HLTF: variants seen among roughly 807,000 people sequenced by gnomAD.
HLTF encodes the protein DNA-dependent ATPase/E3 ubiquitin-protein ligase HLTF.
In HLTF, 127 loss-of-function variants were observed where a neutral mutation model predicts 129.4. The observed-to-expected ratio is 0.98, with a 90% confidence interval of 0.85 to 1.14. The LOEUF is 1.14. Among genes scored for constraint, HLTF ranks in the 50% most tolerant of loss-of-function variants. HLTF has a pLI of 0.00. For missense variants in HLTF, 1,139 were observed against 1,187.1 expected, an observed-to-expected ratio of 0.96 and a Z score of 0.60; for synonymous variants, 332 against 388.8, an observed-to-expected ratio of 0.85 and a Z score of 1.72.
rs1415409024 is a variant in HLTF, at chr3:149,030,533, G to A, written c.*1687C>T. ...GGCTTTGTCTTTGTAAGCAGAAAGA[G>A]TAGACTGTGTTGTTTTTTGCCAAAA... On this transcript the variant is annotated 3_prime_UTR_variant, in exon 25 of 25. Coordinates refer to ENST00000310053, the MANE Select transcript of HLTF (RefSeq NM_003071.4). The A allele has an allele frequency of 6.6e-6, 1 of 152,162 alleles. No homozygotes were observed. Among genetic ancestry groups the A allele is most frequent in the African/African-American group, 2.4e-5 (1 of 41,440 alleles). 9.4% of individuals were successfully genotyped at this position (152,162 alleles called of 1,614,324 possible). A position where few individuals can be genotyped will look rare whatever the true frequency, so the allele number is the denominator to read the frequency against.
intron 10 of HLTF, among the ~76,000 whole-genome samples, chr3:149,061,396 G>A (rs1012015982): frequency 1.3e-5 from 2 of 150,376 alleles, no homozygotes; most frequent in Admixed American, 6.7e-5. Flanking sequence ...GCCTGACAGA[G>A]CGACACTCCA....
In HLTF at chr3:149,084,690, T is replaced by C. The variant is rs1473912639; in HGVS notation, c.220A>G (p.Thr74Ala). Residue 74 changes from threonine (T) to alanine (A), a missense_variant, in exon 2 of 25, where the codon ACG (threonine) becomes GCG (alanine). By Grantham distance (58) the Thr-to-Ala change is moderately conservative. Transcript: ENST00000310053. ...TCTACTATTATACTCACTACTCCCG[T>C]GTAATAGCGTAGTCCAACCACATGA... The part of the protein sequence containing the change: ...RGHVVGLRYY[T>A]GVVNNNEMVA... 2 of 1,609,026 alleles carry C rather than the reference T, an allele frequency of 1.2e-6. No individual in the cohort carries two copies. Among genetic ancestry groups the C allele is most frequent in the South Asian group, 1.1e-5 (1 of 90,962 alleles).
Position 149,032,076 on chromosome 3 carries a change from T to A in HLTF, c.*144A>T, listed in dbSNP as rs893761834. 5.8e-6 allele frequency: 3 copies of A among 517,282 alleles called. No homozygotes were observed. Among genetic ancestry groups the A allele is most frequent in the Non-Finnish European group, 9.7e-6 (3 of 310,590 alleles). The allele number at this position is 517,282 out of a possible 1,614,324, so 32.0% of individuals were successfully genotyped here. On this transcript the variant is annotated 3_prime_UTR_variant, in exon 25 of 25. Transcript: ENST00000310053. ...AAATAGGTTCATATATAGAAGAAAT[T>A]GTGTCAGTAATACCTCTTCACTAAT...
intron 2 of HLTF, among the ~76,000 whole-genome samples, chr3:149,084,336 C>T (rs540542533): frequency 5.5e-5 from 8 of 146,338 alleles, no homozygotes; most frequent in South Asian, 2.1e-4. Flanking sequence ...AAGAAACATA[C>T]GGAGAAATGA....
chr3:149,074,077 CAA>C (rs768657274), intron 4 of HLTF, 136 bp downstream of exon 4: 269 of 715,008 alleles, frequency 3.8e-4, no homozygotes, highest in Admixed American at 1.9e-3. Flanking sequence ...GAGATTTCCT[CAA>C]AAAGACTCCT....
At chr3:149,078,786 G>A (rs1489894288) in intron 2 of HLTF, among the ~76,000 whole-genome samples, 1 of 151,690 alleles carries the variant, frequency 6.6e-6, no homozygotes, top group Non-Finnish European at 1.5e-5. Context: ...GAACCTGGGA[G>A]GCAGAGCTTG....
chr3:149,041,950 G>GTA, intron 19 of HLTF: 1 of 585,214 alleles, frequency 1.7e-6, no homozygotes, highest in Admixed American at 3.1e-5. Context: ...TCATCAAAGG[G>GTA]TATCTATCAC....
At chr3:149,044,195 T>C (rs1385130021) in intron 18 of HLTF, among the ~76,000 whole-genome samples, 1 of 152,126 alleles carries the variant, frequency 6.6e-6, no homozygotes, top group Non-Finnish European at 1.5e-5. Flanking sequence ...TGTGAATACA[T>C]TTAAAGCACT....
intron 13 of HLTF, among the ~76,000 whole-genome samples, chr3:149,057,284 G>A (rs1264695823): frequency 1.3e-5 from 2 of 151,782 alleles, no homozygotes; most frequent in African/African-American, 4.8e-5. Context: ...AAATTAGCCG[G>A]GCATGGTGGC....
chr3:149,046,621 C>CAAT (rs757288507), intron 17 of HLTF, among the ~76,000 whole-genome samples: 3 of 152,080 alleles, frequency 2.0e-5, no homozygotes, highest in Non-Finnish European at 2.9e-5. Context: ...TTCTAAGTAT[C>CAAT]TATTAAGTGC....
intron 23 of HLTF, among the ~76,000 whole-genome samples, chr3:149,036,749 T>TA (rs906004724): frequency 6.6e-6 from 1 of 151,546 alleles, no homozygotes; most frequent in Non-Finnish European, 1.5e-5. Context: ...CCCTGTCTCT[T>TA]AAAAAAAGAA....
In HLTF at chr3:149,051,696, A is replaced by G. The variant is rs528479276; in HGVS notation, c.1474-1321T>C. ...GCCAACATGGCGAAACCCTGCCTCT[A>G]CTAAAAATACAAAAATTAGCTGGGC... is the stretch of plus-strand genomic sequence containing the variant. On this transcript the variant is annotated intron_variant, in intron 14 of 24. Coordinates refer to ENST00000310053, the MANE Select transcript of HLTF (RefSeq NM_003071.4). Among the ~76,000 whole-genome samples, 3 of 152,268 alleles carry G rather than the reference A, an allele frequency of 2.0e-5. No individual in the cohort carries two copies. The South Asian group carries it at 6.2e-4, about 32-fold the overall frequency.
chr3:149,039,008 A>G, intron 23 of HLTF, 41 bp downstream of exon 23: 1 of 1,192,510 alleles, frequency 8.4e-7, no homozygotes, highest in Non-Finnish European at 1.1e-6. Context: ...TTTTTTTGAA[A>G]GAAGTACTAA....
intron 13 of HLTF, among the ~76,000 whole-genome samples, chr3:149,056,855 A>T (rs1030559066): frequency 1.3e-5 from 2 of 152,130 alleles, no homozygotes; most frequent in East Asian, 1.9e-4. Flanking sequence ...CACGCCTGTA[A>T]TCCCAGCACT....
chr3:149,055,617 G>A (rs941400985), intron 13 of HLTF, among the ~76,000 whole-genome samples: 1 of 152,184 alleles, frequency 6.6e-6, no homozygotes, highest in Non-Finnish European at 1.5e-5. Context: ...CTATGACAGA[G>A]AGTAGGTCAC....
intron 14 of HLTF, among the ~76,000 whole-genome samples, chr3:149,054,178 T>C (rs1343143728): frequency 6.6e-6 from 1 of 152,136 alleles, no homozygotes; most frequent in East Asian, 1.9e-4. Flanking sequence ...AGAGAACTAA[T>C]GGTACAAGCC....
Position 149,041,496 on chromosome 3 carries a change from AT to A in HLTF, c.2369del (p.Asn790MetfsTer21), listed in dbSNP as rs760064091. 6.2e-7 allele frequency: 1 copy of A among 1,612,340 alleles called. No homozygotes were observed. The highest frequency in any genetic ancestry group is 8.5e-7 in the Non-Finnish European group (1 of 1,178,864). ...CKPCICQVIQ[N>X]EQPHAKCPLC... ...TACTGAGCAAAAAACTAACCTGCTC[AT>A]TCTGAATGACTTGGCAAATACAGGG... is the stretch of plus-strand genomic sequence containing the variant. On this transcript the variant is annotated frameshift_variant, in exon 20 of 25. Transcript: ENST00000310053. LOFTEE classifies it high-confidence loss of function.
chr3:149,068,711 T>C (rs553440514), intron 7 of HLTF, among the ~76,000 whole-genome samples: 1 of 152,220 alleles, frequency 6.6e-6, no homozygotes, highest in Non-Finnish European at 1.5e-5. Context: ...AGTATGCATA[T>C]AATCATTTTA....
At chr3:149,062,883 G>A (rs1718064091) in intron 10 of HLTF, among the ~76,000 whole-genome samples, 1 of 152,122 alleles carries the variant, frequency 6.6e-6, no homozygotes, top group African/African-American at 2.4e-5. Context: ...AGAAAGATGA[G>A]TGATTATTAA....
Sources: allele counts gnomAD v4.1 joint callset (sites outside exome capture counted in the v4.1 genomes callset), GRCh38; gene constraint gnomAD v4.1.1; transcripts MANE v1.5; gene names NCBI Gene and HGNC (gene_info 2026-07-23, HGNC 2026-07-21).